Variants in SMIM35 observed in about 807,000 individuals in gnomAD.
SMIM35 encodes the protein small integral membrane protein 35.
At chr11:118,045,831 A>T (rs1944090297) in intron 1 of SMIM35, among the ~76,000 whole-genome samples, 1 of 152,212 alleles carries the variant, frequency 6.6e-6, no homozygotes. Context: ...GACCATCGGG[A>T]TATTTGCTTT....
At chr11:118,052,558 C>T (rs1944233833) in intron 1 of SMIM35, among the ~76,000 whole-genome samples, 1 of 152,148 alleles carries the variant, frequency 6.6e-6, no homozygotes, top group African/African-American at 2.4e-5. Flanking sequence ...ATGTAAGCCT[C>T]AGGCCCCCAC....
intron 1 of SMIM35, among the ~76,000 whole-genome samples, chr11:118,061,567 G>GT (rs1027999854): frequency 6.6e-6 from 1 of 152,046 alleles, no homozygotes; most frequent in African/African-American, 2.4e-5. Context: ...ATCAAAGGAA[G>GT]TGGGAGGGGT....
At chr11:118,058,482 G>A (rs1173764732) in intron 1 of SMIM35, among the ~76,000 whole-genome samples, 1 of 152,198 alleles carries the variant, frequency 6.6e-6, no homozygotes, top group Non-Finnish European at 1.5e-5. Context: ...TGCAGCCTGG[G>A]CACAAGAAGA....
At chr11:118,058,814 A>G (rs1206505289) in intron 1 of SMIM35, among the ~76,000 whole-genome samples, 1 of 152,218 alleles carries the variant, frequency 6.6e-6, no homozygotes, top group Non-Finnish European at 1.5e-5. Context: ...CCTTCTGCAG[A>G]ACAGGAAGCC....
intron 4 of SMIM35, among the ~76,000 whole-genome samples, chr11:118,009,425 G>T (rs147203841): frequency 1.3e-5 from 2 of 152,178 alleles, no homozygotes; most frequent in African/African-American, 4.8e-5. Context: ...ATGAAGACGC[G>T]CATCATAAGC....
At chr11:118,033,208 G>C (rs1448709605) in intron 1 of SMIM35, among the ~76,000 whole-genome samples, 3 of 152,148 alleles carry the variant, frequency 2.0e-5, no homozygotes, top group African/African-American at 7.2e-5. Flanking sequence ...TTCTTGATTA[G>C]CGATTAACAA....
chr11:118,068,625 C>CT (rs1439856877), intron 1 of SMIM35, among the ~76,000 whole-genome samples: 3 of 152,174 alleles, frequency 2.0e-5, no homozygotes, highest in Non-Finnish European at 4.4e-5. Context: ...GGGGAATGAG[C>CT]TGGGGCAAGG....
At chr11:118,056,457 A>G (rs557889195) in intron 1 of SMIM35, among the ~76,000 whole-genome samples, 51 of 152,236 alleles carry the variant, frequency 3.4e-4, no homozygotes, top group African/African-American at 1.2e-3. Context: ...CAAAATGGGG[A>G]CATGCAGGAA....
chr11:118,053,150 T>TA (rs1397098614), intron 1 of SMIM35, among the ~76,000 whole-genome samples: 4 of 151,934 alleles, frequency 2.6e-5, no homozygotes, highest in African/African-American at 9.7e-5. Flanking sequence ...CGACTAAAAA[T>TA]ACAAAATTTA....
At chr11:118,007,751 A>G (rs759448259) in intron 4 of SMIM35, among the ~76,000 whole-genome samples, 2 of 152,022 alleles carry the variant, frequency 1.3e-5, no homozygotes, top group Non-Finnish European at 2.9e-5. Flanking sequence ...TCTGCTTATC[A>G]TGAGAAACCG....
intron 1 of SMIM35, among the ~76,000 whole-genome samples, chr11:118,033,276 G>A (rs1266934830): frequency 6.6e-6 from 1 of 152,200 alleles, no homozygotes; most frequent in Non-Finnish European, 1.5e-5. Context: ...ATGTAGCTGA[G>A]AAAAGCCTCT....
intron 1 of SMIM35, among the ~76,000 whole-genome samples, chr11:118,039,237 C>A (rs1183595599): frequency 6.6e-6 from 1 of 152,114 alleles, no homozygotes; most frequent in African/African-American, 2.4e-5. Flanking sequence ...ACTGTCTCTG[C>A]CATGGAATAC....
intron 4 of SMIM35, among the ~76,000 whole-genome samples, chr11:118,008,319 A>T (rs1018274209): frequency 1.3e-5 from 2 of 152,210 alleles, no homozygotes; most frequent in African/African-American, 4.8e-5. Context: ...GTTTTAGATC[A>T]CTAAGCAGTT....
At position 118,086,879 on chromosome 11, in the gene SMIM35, T is replaced by C. The variant is rs1416071000; in HGVS notation, c.-122A>G. On this transcript the variant is annotated 5_prime_UTR_variant, in exon 1 of 5. Coordinates refer to ENST00000689828, the MANE Select transcript of SMIM35 (RefSeq NM_001394165.1). The stretch of plus-strand genomic sequence containing the variant: ...CGTTGGTTTTGGGGAGGGATGCAGG[T>C]TCTGGGGTCAGAGAGCAGAGTGAGG... 1 of 152,840 alleles carries C rather than the reference T, an allele frequency of 6.5e-6. No homozygotes were observed. The highest frequency in any genetic ancestry group is 2.4e-5 in the African/African-American group (1 of 41,456). The allele number at this position is 152,840 out of a possible 1,614,324, so 9.5% of individuals were successfully genotyped here.
chr11:118,033,173 AT>A (rs1175701365), intron 1 of SMIM35, among the ~76,000 whole-genome samples: 1 of 152,194 alleles, frequency 6.6e-6, no homozygotes, highest in Non-Finnish European at 1.5e-5. Flanking sequence ...AGGCTTTTTA[AT>A]TTAAAGATCT....
In SMIM35 at chr11:118,078,218, C is replaced by T. The variant is rs1591322030; in HGVS notation, c.7+8533G>A. On this transcript the variant is annotated intron_variant, in intron 1 of 4. Transcript: ENST00000689828. The stretch of plus-strand genomic sequence containing the variant: ...AATCAACCCTATCTTTCAAGGAGGA[C>T]AGCTGAGGGCCAGGGAGGGGAAGAG... 2.0e-5 allele frequency among the ~76,000 whole-genome samples: 3 copies of T among 152,150 alleles called. No individual in the cohort carries two copies. In the East Asian group the frequency reaches 5.8e-4, roughly 29 times the overall value.
At chr11:118,050,404 T>A (rs1944192295) in intron 1 of SMIM35, among the ~76,000 whole-genome samples, 1 of 152,186 alleles carries the variant, frequency 6.6e-6, no homozygotes, top group Non-Finnish European at 1.5e-5. Context: ...CTGGCTCAAG[T>A]GGGCCAGAGT....
chr11:118,064,794 C>A (rs1197421837), intron 1 of SMIM35, among the ~76,000 whole-genome samples: 3 of 152,184 alleles, frequency 2.0e-5, no homozygotes, highest in African/African-American at 7.2e-5. Context: ...CAGGCATGTG[C>A]CACCACGCCT....
rs529534636 is a variant in SMIM35 at position 118,062,317 on chromosome 11, G to A, written c.7+24434C>T. 3.3e-5 allele frequency among the ~76,000 whole-genome samples: 5 copies of A among 152,292 alleles called. No homozygotes were observed. The East Asian group carries it at 9.6e-4, about 29-fold the overall frequency. The stretch of plus-strand genomic sequence containing the variant: ...TGCACCCCAGCCTGGGCAACAGAGC[G>A]AGACTCCATCTCAAAAACAAACAAA... On this transcript the variant is annotated intron_variant, in intron 1 of 4. Transcript: ENST00000689828.
Sources: gnomAD v4.1 joint callset for allele counts (sites outside exome capture counted in the v4.1 genomes callset) on GRCh38, gnomAD v4.1.1 for gene constraint, MANE v1.5 for transcripts, NCBI Gene and HGNC (gene_info 2026-07-23, HGNC 2026-07-21) for gene names.